The following KIF6 variants were observed in gnomAD, a reference collection of about 807,000 sequenced individuals.
KIF6 encodes the protein kinesin-like protein KIF6.
KIF6 carries 106 observed loss-of-function variants against 112.7 expected under a neutral mutation model. The ratio of observed to expected loss-of-function variants is 0.94; its 90% CI spans 0.80 to 1.11. The LOEUF is 1.11. Among genes scored for constraint, KIF6 ranks in the 50% least tolerant of loss-of-function variants. The probability of loss-of-function intolerance (pLI) is 0.00; values close to 1 mark genes in which losing one functional copy is unlikely to be tolerated. For synonymous variants in KIF6, 339 were observed against 339.9 expected (o/e 1.00, Z 0.03); for missense variants, 929 against 964.0 (o/e 0.96, Z 0.48).
intron 22 of KIF6, among the ~76,000 whole-genome samples, chr6:39,338,460 CA>C (rs1223736276): frequency 6.6e-6 from 1 of 152,202 alleles, no homozygotes; most frequent in Non-Finnish European, 1.5e-5. Flanking sequence ...TTTAATTAAA[CA>C]AATATGGTCC....
At chr6:39,607,441 T>C (rs1209963001) in intron 6 of KIF6, among the ~76,000 whole-genome samples, 1 of 152,162 alleles carries the variant, frequency 6.6e-6, no homozygotes, top group Non-Finnish European at 1.5e-5. Flanking sequence ...TGTCATATAG[T>C]AAGTGCTCAA....
At chr6:39,523,283 C>T (rs924511481) in intron 13 of KIF6, among the ~76,000 whole-genome samples, 4 of 152,104 alleles carry the variant, frequency 2.6e-5, no homozygotes, top group Admixed American at 6.6e-5. Flanking sequence ...GCTGTTACAA[C>T]GTCCTGTCTA....
At chr6:39,527,789 CT>C (rs973646601) in intron 13 of KIF6, among the ~76,000 whole-genome samples, 19 of 152,182 alleles carry the variant, frequency 1.2e-4, no homozygotes, top group Non-Finnish European at 2.6e-4. Context: ...CCTTGTGTCC[CT>C]GCTCCCAAGA....
chr6:39,605,964 T>C (rs1268060191), intron 6 of KIF6, among the ~76,000 whole-genome samples: 5 of 152,096 alleles, frequency 3.3e-5, no homozygotes, highest in African/African-American at 7.2e-5. Context: ...TTCAGAAAAC[T>C]TTTCTCTAGT....
chr6:39,355,555 T>C (rs2150247041), intron 19 of KIF6, among the ~76,000 whole-genome samples: 1 of 149,174 alleles, frequency 6.7e-6, no homozygotes. Context: ...CCTCCACCTC[T>C]TGGGTTCCAG....
At chr6:39,353,989 GT>G in intron 19 of KIF6, 1 of 435,942 alleles carries the variant, frequency 2.3e-6, no homozygotes. Context: ...CATGGCCTCT[GT>G]TTTCACATGG....
intron 3 of KIF6, among the ~76,000 whole-genome samples, chr6:39,642,716 G>A (rs1784975072): frequency 1.3e-5 from 2 of 152,148 alleles, no homozygotes; most frequent in Non-Finnish European, 2.9e-5. Flanking sequence ...AGAAAAACCT[G>A]AGAAATGTGT....
rs925635657 is a variant in KIF6 at position 39,536,053 on chromosome 6, C to T, written c.1645+3950G>A. ...ACAACATACCAGAATCTCTGGGACA[C>T]ATTCAAAGCAGTGTGTAGAGGGAAA... On this transcript the variant is annotated intron_variant, in intron 13 of 22. Transcript: ENST00000287152. 4.6e-5 allele frequency among the ~76,000 whole-genome samples: 7 copies of T among 151,754 alleles called. 1 individual carries two copies. Among genetic ancestry groups the T allele is most frequent in the African/African-American group, 1.5e-4 (6 of 41,348 alleles).
intron 10 of KIF6, among the ~76,000 whole-genome samples, chr6:39,567,867 A>G (rs908581426): frequency 6.6e-6 from 1 of 152,150 alleles, no homozygotes; most frequent in African/African-American, 2.4e-5. Flanking sequence ...TTGGCCTCCC[A>G]AAGTGCTGGG....
chr6:39,638,664 C>G (rs1784751728), intron 4 of KIF6, among the ~76,000 whole-genome samples: 1 of 152,078 alleles, frequency 6.6e-6, no homozygotes, highest in African/African-American at 2.4e-5. Context: ...ACTCAAAATG[C>G]AAACAATATA....
chr6:39,692,735 A>C (rs956613554), intron 3 of KIF6, among the ~76,000 whole-genome samples: 2 of 152,202 alleles, frequency 1.3e-5, no homozygotes, highest in African/African-American at 2.4e-5. Context: ...TACTTTGATA[A>C]ATTTACTGAT....
intron 2 of KIF6, chr6:39,718,616 A>G (rs1790016122): frequency 6.6e-6 from 1 of 151,792 alleles, no homozygotes; most frequent in East Asian, 1.9e-4. Context: ...GTGGTGGTGC[A>G]TACCTGAAGT....
At chr6:39,415,617 C>T (rs138859517) in intron 15 of KIF6, among the ~76,000 whole-genome samples, 1 of 152,286 alleles carries the variant, frequency 6.6e-6, no homozygotes, top group East Asian at 1.9e-4. Context: ...AGCAAAACAG[C>T]CTGGATGTTG....
At chr6:39,441,013 A>G (rs973690131) in intron 13 of KIF6, among the ~76,000 whole-genome samples, 2 of 152,224 alleles carry the variant, frequency 1.3e-5, no homozygotes, top group East Asian at 1.9e-4. Context: ...AGCCATCTCC[A>G]AGAAAGATTA....
intron 13 of KIF6, among the ~76,000 whole-genome samples, chr6:39,472,451 T>C (rs541233426): frequency 6.4e-4 from 98 of 152,316 alleles, no homozygotes; most frequent in African/African-American, 2.3e-3. Flanking sequence ...CCTTTTGTAT[T>C]ATCAGGGAAC....
intron 3 of KIF6, among the ~76,000 whole-genome samples, chr6:39,665,108 A>T (rs1786389786): frequency 6.6e-6 from 1 of 152,184 alleles, no homozygotes; most frequent in Non-Finnish European, 1.5e-5. Flanking sequence ...TATGGTTGGC[A>T]ATTGCATGCA....
chr6:39,595,993 T>C (rs1360332420), intron 7 of KIF6, 61 bp downstream of exon 7: 3 of 1,286,472 alleles, frequency 2.3e-6, no homozygotes, highest in Non-Finnish European at 3.4e-6. Flanking sequence ...GCCTGATACA[T>C]AGTATGTGGT....
At position 39,379,556 on chromosome 6, in the gene KIF6, G is replaced by A. The variant is rs543095151; in HGVS notation, c.1861+6066C>T. Among the ~76,000 whole-genome samples, 11 of 152,326 alleles carry A rather than the reference G, an allele frequency of 7.2e-5. 1 individual carries two copies. In the East Asian group the frequency reaches 2.1e-3, roughly 29 times the overall value. On this transcript the variant is annotated intron_variant, in intron 16 of 22. Transcript: ENST00000287152. ...CTTTAACAGAGACCCATGAGGCGGA[G>A]GCAAAAGCAGATTTTGGGAGAAGGG...
intron 13 of KIF6, among the ~76,000 whole-genome samples, chr6:39,449,488 G>A (rs995578367): frequency 1.3e-5 from 2 of 152,094 alleles, no homozygotes; most frequent in Non-Finnish European, 2.9e-5. Flanking sequence ...TTCTTTTCTG[G>A]GATCTTTATG....
Sources: allele counts gnomAD v4.1 joint callset (sites outside exome capture counted in the v4.1 genomes callset), GRCh38; gene constraint gnomAD v4.1.1; transcripts MANE v1.5; gene names NCBI Gene and HGNC (gene_info 2026-07-23, HGNC 2026-07-21).